The following PKNOX2 variants were observed in gnomAD, a reference collection of about 807,000 sequenced individuals.
PKNOX2 encodes the protein homeobox protein PKNOX2.
PKNOX2 carries 14 observed loss-of-function variants against 53.1 expected under a neutral mutation model. The observed-to-expected ratio is 0.26, with a 90% CI of 0.17 to 0.41. PKNOX2 has a LOEUF of 0.41. Ranked by LOEUF, PKNOX2 falls within the 10% of genes least tolerant of loss-of-function variation. The pLI is 1.00. For missense variants in PKNOX2, 496 were observed against 602.8 expected (o/e 0.82, Z 1.85); for synonymous variants, 257 against 242.8 (o/e 1.06, Z -0.54).
chr11:125,383,491 C>G (rs914673557), intron 5 of PKNOX2, among the ~76,000 whole-genome samples: 9 of 150,356 alleles, frequency 6.0e-5, no homozygotes, highest in African/African-American at 2.2e-4. Context: ...ATGGCGGGAA[C>G]CTATAATCCC....
chr11:125,315,328 A>AAAAAAAAAAAAAAAAAAAC (rs1201379428), intron 2 of PKNOX2, among the ~76,000 whole-genome samples: 16 of 144,842 alleles, frequency 1.1e-4, no homozygotes, highest in African/African-American at 4.4e-4. Flanking sequence ...AAAAAAAAAA[A>AAAAAAAAAAAAAAAAAAAC]CACCTCTCTC....
At chr11:125,283,224 C>T (rs1259501745) in intron 2 of PKNOX2, among the ~76,000 whole-genome samples, 2 of 151,960 alleles carry the variant, frequency 1.3e-5, no homozygotes, top group Non-Finnish European at 1.5e-5. Context: ...GCAGCTAATG[C>T]CTACCATCAG....
At chr11:125,319,243 C>G (rs1458118794) in intron 2 of PKNOX2, among the ~76,000 whole-genome samples, 1 of 152,176 alleles carries the variant, frequency 6.6e-6, no homozygotes, top group Non-Finnish European at 1.5e-5. Flanking sequence ...AGTTCACCAT[C>G]TTATAGGGGT....
In PKNOX2 at chr11:125,367,863, G is replaced by A. The variant is rs144404502; in HGVS notation, c.105G>A (p.Gln35=). Residue 35 remains glutamine (Q), a synonymous_variant, in exon 5 of 13, where the codon CAG becomes CAA. Transcript: ENST00000298282. ...QDSPQMTATA[Q]PPSKAQAVHI... ...CTCTGCAGATGACGGCAACCGCCCA[G>A]CCACCCTCCAAGGCCCAGGCTGTCC... 5.3e-4 allele frequency: 862 copies of A among 1,612,176 alleles called. 2 individuals are homozygous for A. In the African/African-American group the frequency reaches 0.011, roughly 20 times the overall value.
intron 1 of PKNOX2, among the ~76,000 whole-genome samples, chr11:125,216,853 G>A (rs145998150): frequency 6.6e-6 from 1 of 152,228 alleles, no homozygotes; most frequent in East Asian, 1.9e-4. Context: ...CTGCAACAGG[G>A]GACCTTGTTA....
At chr11:125,412,620 T>G (rs185759799) in intron 10 of PKNOX2, among the ~76,000 whole-genome samples, 1 of 152,248 alleles carries the variant, frequency 6.6e-6, no homozygotes, top group East Asian at 1.9e-4. Flanking sequence ...CCAGTGACTG[T>G]GCTGAGTGTG....
intron 2 of PKNOX2, among the ~76,000 whole-genome samples, chr11:125,320,716 T>G (rs760628098): frequency 5.9e-5 from 9 of 152,180 alleles, no homozygotes; most frequent in Non-Finnish European, 1.2e-4. Flanking sequence ...AAATATGAAT[T>G]GATCACATTT....
intron 2 of PKNOX2, among the ~76,000 whole-genome samples, chr11:125,301,316 A>G (rs1948048261): frequency 6.6e-6 from 1 of 152,054 alleles, no homozygotes; most frequent in South Asian, 2.1e-4. Context: ...CCCCGGGGGC[A>G]ACTAAAGCCA....
At chr11:125,287,583 T>C (rs1946990517) in intron 2 of PKNOX2, 3 of 151,840 alleles carry the variant, frequency 2.0e-5, no homozygotes, top group Admixed American at 6.6e-5. Context: ...TCCCAGCTCC[T>C]TCCAAAGCTT....
rs1266749498 is a variant in PKNOX2, at chr11:125,236,234, A to T, written c.-130+1119A>T. On this transcript the variant is annotated intron_variant, in intron 2 of 12. Transcript: ENST00000298282. The stretch of plus-strand genomic sequence containing the variant: ...CCTCCCGCCTAATGGCCTGCGATTC[A>T]GCGCCGGTCGCCTCTGTGATTGACG... Among the ~76,000 whole-genome samples the T allele has an allele frequency of 2.6e-5, 4 of 152,274 alleles. No homozygotes were observed. In the East Asian group the frequency reaches 5.8e-4, roughly 22 times the overall value.
At chr11:125,387,950 G>C (rs999436609) in intron 6 of PKNOX2, among the ~76,000 whole-genome samples, 1 of 151,980 alleles carries the variant, frequency 6.6e-6, no homozygotes, top group Non-Finnish European at 1.5e-5. Context: ...CACCTATCTC[G>C]TGTGATGGTA....
At chr11:125,428,217 G>A (rs1449030271) in intron 10 of PKNOX2, among the ~76,000 whole-genome samples, 3 of 152,120 alleles carry the variant, frequency 2.0e-5, no homozygotes, top group Non-Finnish European at 4.4e-5. Flanking sequence ...CAGCATGTGG[G>A]GGACTGAGAG....
At chr11:125,255,343 C>T (rs1312857549) in intron 2 of PKNOX2, among the ~76,000 whole-genome samples, 4 of 152,182 alleles carry the variant, frequency 2.6e-5, no homozygotes, top group East Asian at 1.9e-4. Flanking sequence ...GCTCTAGCCT[C>T]GCTCATATCA....
At chr11:125,242,470 G>T (rs182822486) in intron 2 of PKNOX2, among the ~76,000 whole-genome samples, 1 of 152,300 alleles carries the variant, frequency 6.6e-6, no homozygotes, top group East Asian at 1.9e-4. Context: ...GCATGTACCT[G>T]CCTGTGTGTG....
intron 2 of PKNOX2, among the ~76,000 whole-genome samples, chr11:125,328,795 C>G (rs1949985833): frequency 6.6e-6 from 1 of 152,240 alleles, no homozygotes; most frequent in South Asian, 2.1e-4. Context: ...ACGCCACTTG[C>G]TGGCTGTTTT....
At chr11:125,284,434 T>C (rs1591512261) in intron 2 of PKNOX2, among the ~76,000 whole-genome samples, 1 of 152,218 alleles carries the variant, frequency 6.6e-6, no homozygotes, top group Admixed American at 6.5e-5. Context: ...GTGGTGCGTG[T>C]TAGCGCCAAG....
In PKNOX2 at chr11:125,326,148, T is replaced by A. The variant is rs115332772; in HGVS notation, c.-129-5671T>A. On this transcript the variant is annotated intron_variant, in intron 2 of 12. Coordinates refer to ENST00000298282, the MANE Select transcript of PKNOX2 (RefSeq NM_001382323.2). Reference sequence around the variant, plus strand: ...AAGTCTCACAATCAAAAGCTTATGATGACATCGAGGGGAGATTAAGATTCA... The same window carrying A: ...AAGTCTCACAATCAAAAGCTTATGAAGACATCGAGGGGAGATTAAGATTCA... 3.4e-3 allele frequency among the ~76,000 whole-genome samples: 511 copies of A among 152,310 alleles called. 1 individual carries two copies. Among genetic ancestry groups the A allele is most frequent in the African/African-American group, 0.012 (497 of 41,554 alleles).
At position 125,238,784 on chromosome 11, in the gene PKNOX2, T is replaced by C. The variant is rs1386968692; in HGVS notation, c.-130+3669T>C. On this transcript the variant is annotated intron_variant, in intron 2 of 12. Coordinates refer to ENST00000298282, the MANE Select transcript of PKNOX2 (RefSeq NM_001382323.2). ...GAAACTAACATTTAATTTGGGCACA[T>C]GAAGGAAACAGATGGACACAAACAT... Among the ~76,000 whole-genome samples the C allele has an allele frequency of 2.0e-5, 3 of 152,212 alleles. No homozygotes were observed. The East Asian group carries it at 5.8e-4, about 29-fold the overall frequency.
At chr11:125,379,359 A>T (rs1292209800) in intron 5 of PKNOX2, among the ~76,000 whole-genome samples, 1 of 152,186 alleles carries the variant, frequency 6.6e-6, no homozygotes, top group Non-Finnish European at 1.5e-5. Context: ...CACCATGCCC[A>T]GCCAAGGACC....
Sources: gnomAD v4.1 joint callset for allele counts (sites outside exome capture counted in the v4.1 genomes callset) on GRCh38, gnomAD v4.1.1 for gene constraint, MANE v1.5 for transcripts, NCBI Gene and HGNC (gene_info 2026-07-23, HGNC 2026-07-21) for gene names.